Variants in TEDC1 observed in about 807,000 individuals in gnomAD.
TEDC1 encodes the protein tubulin epsilon and delta complex protein 1.
Under a neutral mutation model 59.9 loss-of-function variants are expected in TEDC1, and 54 were observed. The observed-to-expected ratio is 0.90, with a 90% CI of 0.72 to 1.13. The LOEUF is 1.13. Ranked by LOEUF, TEDC1 falls within the 50% of genes most tolerant of loss-of-function variation. The pLI is 0.00. For missense variants in TEDC1, 734 were observed against 683.4 expected (o/e 1.07, Z -0.83); for synonymous variants, 353 against 298.1 (o/e 1.18, Z -1.90).
intron 6 of TEDC1, 60 bp downstream of exon 6, chr14:105,496,146 G>GGGGGGGGGCCCCCCCC: frequency 3.0e-6 from 1 of 331,606 alleles, no homozygotes; most frequent in Admixed American, 3.9e-5. Flanking sequence ...GGGTGGGAGG[G>GGGGGGGGGCCCCCCCC]GGTGGCGAGG....
upstream of TEDC1, chr14:105,491,168 C>T (rs1555439153): frequency 1.9e-6 from 3 of 1,550,144 alleles, no homozygotes; most frequent in Non-Finnish European, 2.6e-6. Flanking sequence ...CAGGTCTCGG[C>T]CAGCGCGGTG....
At position 105,491,427 on chromosome 14, in the gene TEDC1, G is replaced by A. The variant is rs2141782208; in HGVS notation, c.52G>A (p.Ala18Thr). The A allele has an allele frequency of 7.0e-6, 10 of 1,429,898 alleles. No homozygotes were observed. Among genetic ancestry groups the A allele is most frequent in the Non-Finnish European group, 9.1e-6 (10 of 1,100,438 alleles). 88.6% of individuals were successfully genotyped at this position (1,429,898 alleles called of 1,614,324 possible). ...CCCCGCGGCTGGGGCCCGGGCCGGG[G>A]CCCTGCCTGAGGCCATCGCCGCGTT... ...VDPAAGARAG[A>T]LPEAIAALSR... The change falls in exon 1 of 9, where the codon GCC (alanine) becomes ACC (threonine). Residue 18 changes from alanine to threonine, a missense_variant. Physicochemically the swap from Ala to Thr is moderately conservative, Grantham distance 58 (BLOSUM62 0). Transcript: ENST00000392523.
intron 6 of TEDC1, 63 bp downstream of exon 6, chr14:105,496,149 T>TGGGGGGGGGGGG: frequency 1.2e-5 from 1 of 81,278 alleles, no homozygotes; most frequent in South Asian, 3.6e-4. Flanking sequence ...TGGGAGGGGG[T>TGGGGGGGGGGGG]GGCGAGGGGG....
At chr14:105,494,180 G>A (rs1434378075) in intron 5 of TEDC1, 4 of 566,432 alleles carry the variant, frequency 7.1e-6, no homozygotes, top group Non-Finnish European at 1.3e-5. Context: ...TGGGGGCCCA[G>A]GACGCAGGAG....
In TEDC1 at chr14:105,496,005, A is replaced by G. The variant is rs781990092; in HGVS notation, c.810A>G (p.Pro270=). ...WNDLWLVCEQ[P]GLLPGDWAAP... ...ATCTGTGGCTGGTATGTGAGCAGCCAGGTCTGCTGCCGGGTGACTGGGCAG... is the reference window on the plus strand; with the variant it reads ...ATCTGTGGCTGGTATGTGAGCAGCCGGGTCTGCTGCCGGGTGACTGGGCAG... The change falls in exon 6 of 9, where the codon CCA becomes CCG. Residue 270 remains proline, a synonymous_variant. Transcript: ENST00000392523. 8.1e-5 allele frequency: 125 copies of G among 1,550,104 alleles called. No homozygotes were observed. Among genetic ancestry groups the G allele is most frequent in the Non-Finnish European group, 1.1e-4 (122 of 1,146,920 alleles).
chr14:105,496,320 C>T, intron 6 of TEDC1: 1 of 560,606 alleles, frequency 1.8e-6, no homozygotes. Context: ...GGCTGCAGCC[C>T]CGGCACCAGC....
At chr14:105,495,704 C>T in intron 5 of TEDC1, 176 bp from the exon 6 acceptor site, 1 of 611,632 alleles carries the variant, frequency 1.6e-6, no homozygotes, top group Non-Finnish European at 2.8e-6. Context: ...CCTGGGACCC[C>T]TGGGTTGGGG....
rs1555439604 is a variant in TEDC1, at chr14:105,492,266, C to T, written c.386C>T (p.Ala129Val). 13 of 1,608,928 alleles carry T rather than the reference C, an allele frequency of 8.1e-6. No individual in the cohort carries two copies. The highest frequency in any genetic ancestry group is 1.3e-5 in the African/African-American group (1 of 74,932). Residue 129 changes from alanine (A) to valine (V), a missense_variant, in exon 3 of 9, where the codon GCC becomes GTC. By Grantham distance (64) the Ala-to-Val change is moderately conservative. Coordinates refer to ENST00000392523, the MANE Select transcript of TEDC1 (RefSeq NM_001367178.1). Reference sequence around the variant, plus strand: ...GGACCTGTGCCCGAGCAGATGCTGGCCCAGGCCCGAGTGCCTCTGGGTGAC... The same window carrying T: ...GGACCTGTGCCCGAGCAGATGCTGGTCCAGGCCCGAGTGCCTCTGGGTGAC... ...ARGPVPEQML[A>V]QARVPLGDEM...
intron 6 of TEDC1, chr14:105,496,816 C>T (rs1555440519): frequency 6.0e-6 from 1 of 166,172 alleles, no homozygotes; most frequent in Non-Finnish European, 1.3e-5. Flanking sequence ...TCTGCCTTCT[C>T]TGCCACCTGG....
At chr14:105,491,163 C>G, upstream of TEDC1, 3 of 1,550,408 alleles carry the variant, frequency 1.9e-6, no homozygotes, top group African/African-American at 1.4e-5. Flanking sequence ...GGGTACAGGT[C>G]TCGGCCAGCG....
At chr14:105,496,149 T>TGGGGGGGGGGGGGGGGCCCCCCCGGG in intron 6 of TEDC1, 63 bp downstream of exon 6, 1 of 81,278 alleles carries the variant, frequency 1.2e-5, no homozygotes, top group Non-Finnish European at 2.2e-5. Flanking sequence ...TGGGAGGGGG[T>TGGGGGGGGGGGGGGGGCCCCCCCGGG]GGCGAGGGGG....
At position 105,496,070 on chromosome 14, in the gene TEDC1, T is replaced by C; in HGVS notation, c.875T>C (p.Leu292Pro). The change falls in exon 6 of 9, where the codon CTC (leucine) becomes CCC (proline). Residue 292 changes from leucine (L) to proline (P), a missense_variant. Leu to Pro is a moderately conservative substitution (Grantham distance 98). Transcript: ENST00000392523. Reference protein sequence around the residue: ...DPGGASACSLLSPFRALLRTL... With the variant: ...DPGGASACSLPSPFRALLRTL... The stretch of plus-strand genomic sequence containing the variant: ...GGTGGGGCCTCAGCCTGCAGCCTGC[T>C]CTCCCCTTTTAGGGCGGTAAGTCGG... 6.9e-7 allele frequency: 1 copy of C among 1,445,940 alleles called. No homozygotes were observed. The highest frequency in any genetic ancestry group is 9.2e-7 in the Non-Finnish European group (1 of 1,084,002). The allele number at this position is 1,445,940 out of a possible 1,614,324, so 89.6% of individuals were successfully genotyped here.
chr14:105,493,504 T>C (rs2084266949), intron 4 of TEDC1, among the ~76,000 whole-genome samples: 1 of 152,162 alleles, frequency 6.6e-6, no homozygotes, highest in Middle Eastern at 3.2e-3. Flanking sequence ...TGAACTGCTG[T>C]GCCTGTCCAG....
Position 105,496,403 on chromosome 14 carries a change from G to C in TEDC1, c.891+317G>C, listed in dbSNP as rs141847536. Reference sequence around the variant, plus strand: ...TCTGACCGCAGGCCTGCCTGCCTCTGCTCTGCTCCGCCCCAGAGGGGCTGG... The same window carrying C: ...TCTGACCGCAGGCCTGCCTGCCTCTCCTCTGCTCCGCCCCAGAGGGGCTGG... On this transcript the variant is annotated intron_variant, in intron 6 of 8. Transcript: ENST00000392523. 3.0e-4 allele frequency: 106 copies of C among 350,096 alleles called. No individual in the cohort carries two copies. In the Middle Eastern group the frequency reaches 8.8e-3, roughly 29 times the overall value. The allele number at this position is 350,096 out of a possible 1,614,324, so 21.7% of individuals were successfully genotyped here. A position where few individuals can be genotyped will look rare whatever the true frequency, so the allele number is the denominator to read the frequency against.
chr14:105,498,750 A>T lies in TEDC1; in HGVS notation c.1292A>T (p.His431Leu). The T allele has an allele frequency of 2.6e-6, 4 of 1,559,796 alleles. No homozygotes were observed. The highest frequency in any genetic ancestry group is 3.5e-6 in the Non-Finnish European group (4 of 1,152,406). Reference sequence around the variant, plus strand: ...GGCCCGGCCCAGCCCCATGGGCCACACCGGCTGGTGAGACGAGAGGATGGG... The same window carrying T: ...GGCCCGGCCCAGCCCCATGGGCCACTCCGGCTGGTGAGACGAGAGGATGGG... Reference protein sequence around the residue: ...DGGPAQPHGPHRLVRREDGAA... With the variant: ...DGGPAQPHGPLRLVRREDGAA... The change falls in exon 9 of 9, where the codon CAC becomes CTC. Residue 431 changes from histidine to leucine, a missense_variant. His to Leu is a moderately conservative substitution (Grantham distance 99). Transcript: ENST00000392523.
chr14:105,497,343 C>T lies in TEDC1; in HGVS notation c.892-14C>T, dbSNP rs368080858. ...CCGTGTGAGGTTCTAGGCCAGCTGC[C>T]GTTTGCCTTCCAGCTGCTGCGGACT... On this transcript the variant is annotated splice_polypyrimidine_tract_variant and intron_variant, in intron 6 of 8. Transcript: ENST00000392523. 212 of 1,549,536 alleles carry T rather than the reference C, an allele frequency of 1.4e-4. No homozygotes were observed. The highest frequency in any genetic ancestry group is 1.6e-4 in the Non-Finnish European group (185 of 1,146,792).
chr14:105,495,961 C>T lies in TEDC1; in HGVS notation c.766C>T (p.Pro256Ser). 5 of 1,550,362 alleles carry T rather than the reference C, an allele frequency of 3.2e-6. No homozygotes were observed. The highest frequency in any genetic ancestry group is 4.4e-6 in the Non-Finnish European group (5 of 1,146,940). Residue 256 changes from proline (P) to serine (S), a missense_variant, in exon 6 of 9, where the codon CCC (proline) becomes TCC (serine). Coordinates refer to ENST00000392523, the MANE Select transcript of TEDC1 (RefSeq NM_001367178.1). Reference sequence around the variant, plus strand: ...CTCCTTCTGCACTCCTGGGATGGGTCCCAGAACCTTCTGGAATGATCTGTG... The same window carrying T: ...CTCCTTCTGCACTCCTGGGATGGGTTCCAGAACCTTCTGGAATGATCTGTG... ...LHSFCTPGMG[P>S]RTFWNDLWLV...
chr14:105,490,941 C>A (rs1323582061), upstream of TEDC1: 79 of 1,244,726 alleles, frequency 6.3e-5, no homozygotes, highest in Non-Finnish European at 8.1e-5. Flanking sequence ...GACGATTGAG[C>A]CTGCAAGGGC....
In TEDC1 at chr14:105,491,257, G is replaced by A. The variant is rs1251664516; in HGVS notation, c.-119G>A. On this transcript the variant is annotated 5_prime_UTR_variant, in exon 1 of 9. Coordinates refer to ENST00000392523, the MANE Select transcript of TEDC1 (RefSeq NM_001367178.1). ...CCATGATTGGGCTCAGGTTCCAGCC[G>A]GAGCGGTAACTGGGCGCAGGTCCCA... 2.0e-6 allele frequency: 3 copies of A among 1,530,562 alleles called. No homozygotes were observed. Among genetic ancestry groups the A allele is most frequent in the African/African-American group, 2.7e-5 (2 of 72,734 alleles). The allele number at this position is 1,530,562 out of a possible 1,614,324, so 94.8% of individuals were successfully genotyped here.
Sources: gnomAD v4.1 joint callset for allele counts (sites outside exome capture counted in the v4.1 genomes callset) on GRCh38, gnomAD v4.1.1 for gene constraint, MANE v1.5 for transcripts, NCBI Gene and HGNC (gene_info 2026-07-23, HGNC 2026-07-21) for gene names.